Variants in FAS observed in about 807,000 individuals in gnomAD.
FAS encodes the protein tumor necrosis factor receptor superfamily member 6.
FAS carries 5 observed loss-of-function variants against 33.2 expected under a neutral mutation model. The ratio of observed to expected loss-of-function variants is 0.15; its 90% CI spans 0.08 to 0.32. The LOEUF is 0.32. Ranked by LOEUF, FAS falls within the 10% of genes least tolerant of loss-of-function variation. The pLI is 1.00. For synonymous variants in FAS, 131 were observed against 130.7 expected (o/e 1.00, Z -0.01); for missense variants, 339 against 386.0 (o/e 0.88, Z 1.02).
upstream of FAS, among the ~76,000 whole-genome samples, chr10:88,985,659 C>A (rs1846859561): frequency 6.6e-6 from 1 of 152,212 alleles, no homozygotes; most frequent in African/African-American, 2.4e-5. Context: ...CACCCCCATC[C>A]CACTCCCTGG....
rs113329139 is a variant in FAS at position 89,015,370 on chromosome 10, A to G, written c.*920A>G. ...AGAGAAAGTAGCTTTGTGACATGTC[A>G]TGAACCCATGTTTGCAATCAAAGAT... On this transcript the variant is annotated 3_prime_UTR_variant, in exon 9 of 9. Coordinates refer to ENST00000652046, the MANE Select transcript of FAS (RefSeq NM_000043.6). 6 of 531,966 alleles carry G rather than the reference A, an allele frequency of 1.1e-5. No individual in the cohort carries two copies. Among genetic ancestry groups the G allele is most frequent in the Non-Finnish European group, 2.2e-5 (6 of 274,558 alleles). The allele number at this position is 531,966 out of a possible 1,614,324, so 33.0% of individuals were successfully genotyped here. A position where few individuals can be genotyped will look rare whatever the true frequency, so the allele number is the denominator to read the frequency against.
upstream of FAS, among the ~76,000 whole-genome samples, chr10:88,987,659 G>A (rs1846944428): frequency 6.6e-6 from 1 of 152,224 alleles, no homozygotes. Context: ...CCAACTGAAT[G>A]TGATGTGCTG....
At chr10:89,009,543 A>G (rs1382110996) in intron 4 of FAS, among the ~76,000 whole-genome samples, 2 of 152,212 alleles carry the variant, frequency 1.3e-5, no homozygotes, top group Non-Finnish European at 2.9e-5. Context: ...AAGACTGAGA[A>G]GCGTTCAGGG....
chr10:88,969,664 C>T (rs184241125), intron 1 of FAS, among the ~76,000 whole-genome samples: 8 of 152,306 alleles, frequency 5.3e-5, no homozygotes, highest in African/African-American at 1.7e-4. Context: ...CTCCTCTGAC[C>T]ACCATATCAT....
At chr10:88,979,089 T>C (rs1400575394) in intron 2 of FAS, among the ~76,000 whole-genome samples, 3 of 152,106 alleles carry the variant, frequency 2.0e-5, no homozygotes, top group African/African-American at 7.2e-5. Context: ...TTAAAAACAC[T>C]GTCCACTGCC....
intron 1 of FAS, chr10:88,991,226 G>A: frequency 1.9e-6 from 1 of 515,782 alleles, no homozygotes; most frequent in Non-Finnish European, 3.5e-6. Context: ...GGCGTGGGGT[G>A]CGGACAGGAA....
intron 7 of FAS, 92 bp downstream of exon 7, chr10:89,012,173 T>A: frequency 9.1e-7 from 1 of 1,104,356 alleles, no homozygotes; most frequent in Non-Finnish European, 1.4e-6. Flanking sequence ...ACTTTTTTGT[T>A]TCTTGTTTGT....
chr10:88,967,837 G>C (rs536539970), intron 1 of FAS, among the ~76,000 whole-genome samples: 3 of 152,096 alleles, frequency 2.0e-5, no homozygotes, highest in Non-Finnish European at 2.9e-5. Flanking sequence ...ACAGGAAAAT[G>C]GTTGGCAAAG....
upstream of FAS, among the ~76,000 whole-genome samples, chr10:88,981,777 C>T (rs1846719378): frequency 6.6e-6 from 1 of 152,066 alleles, no homozygotes; most frequent in Admixed American, 6.5e-5. Context: ...AGTCTGTGCT[C>T]GTGGGTATGT....
rs9658766 is a variant in FAS, at chr10:89,011,855, G to A, written c.569-144G>A. On this transcript the variant is annotated intron_variant, in intron 6 of 8. Coordinates refer to ENST00000652046, the MANE Select transcript of FAS (RefSeq NM_000043.6). ...GTAGTACGAAAGTTCCAAAATCAGC[G>A]GTCTCCTGCGATGTTTGGCCACTTT... 93,529 of 704,076 alleles carry A rather than the reference G, an allele frequency of 0.13. 7,203 individuals are homozygous for A. The highest frequency in any genetic ancestry group is 0.16 in the Non-Finnish European group (65,481 of 411,152). The allele number at this position is 704,076 out of a possible 1,614,324, so 43.6% of individuals were successfully genotyped here. A position where few individuals can be genotyped will look rare whatever the true frequency, so the allele number is the denominator to read the frequency against.
At chr10:88,983,984 T>TCTTTA (rs2133356741), upstream of FAS, among the ~76,000 whole-genome samples, 1 of 151,064 alleles carries the variant, frequency 6.6e-6, no homozygotes, top group African/African-American at 2.4e-5. Context: ...GACAAAAAAC[T>TCTTTA]CTTTAGATGC....
At position 89,015,994 on chromosome 10, in the gene FAS, C is replaced by A. The variant is rs9658783; in HGVS notation, c.*1544C>A. On this transcript the variant is annotated 3_prime_UTR_variant, in exon 9 of 9. Transcript: ENST00000652046. ...CTCTTCCAAACAGCACATGATTATT[C>A]GTCAAACAGTTTCGTATTCCAGATA... The A allele has an allele frequency of 0.012, 3,033 of 249,234 alleles. 94 individuals are homozygous for A. Among genetic ancestry groups the A allele is most frequent in the African/African-American group, 0.062 (2,820 of 45,326 alleles). The allele number at this position is 249,234 out of a possible 1,614,324, so 15.4% of individuals were successfully genotyped here.
intron 3 of FAS, 28 bp downstream of exon 3, chr10:89,007,865 A>G (rs1223025899): frequency 3.1e-6 from 5 of 1,613,354 alleles, no homozygotes; most frequent in Non-Finnish European, 3.4e-6. Flanking sequence ...CAATTGAAAG[A>G]GGCCAATCTT....
chr10:88,995,387 C>T (rs116947237), intron 1 of FAS, among the ~76,000 whole-genome samples: 99 of 152,306 alleles, frequency 6.5e-4, no homozygotes, highest in East Asian at 5.0e-3. Context: ...TCCCTTTGAT[C>T]ACAACTGCTT....
At chr10:88,992,756 C>T (rs1402713722) in intron 1 of FAS, among the ~76,000 whole-genome samples, 3 of 152,028 alleles carry the variant, frequency 2.0e-5, no homozygotes, top group Non-Finnish European at 4.4e-5. Context: ...GTTTATCTTC[C>T]ATTTCTCCCC....
chr10:88,999,682 T>C (rs567035744), intron 1 of FAS, among the ~76,000 whole-genome samples: 2 of 152,328 alleles, frequency 1.3e-5, no homozygotes, highest in South Asian at 4.1e-4. Flanking sequence ...TCTAGAGGCA[T>C]AAAAATAGAC....
Position 89,013,301 on chromosome 10 carries a change from A to AT in FAS, c.652-37dup, listed in dbSNP as rs756136652. ...CACATTTAGAATATTCTAAAGATAT[A>AT]TTTTTATTTGTCTTTCTCTGCTTCC... On this transcript the variant is annotated intron_variant, in intron 7 of 8. Transcript: ENST00000652046. 1.0e-5 allele frequency: 16 copies of AT among 1,584,716 alleles called. No individual in the cohort carries two copies. The South Asian group carries it at 1.8e-4, about 18-fold the overall frequency.
At chr10:88,998,644 C>G (rs1033094419) in intron 1 of FAS, among the ~76,000 whole-genome samples, 1 of 152,190 alleles carries the variant, frequency 6.6e-6, no homozygotes, top group East Asian at 1.9e-4. Flanking sequence ...TAGCCCATGA[C>G]AGTCCTGAAT....
chr10:88,972,763 T>C (rs1212911101), intron 1 of FAS, among the ~76,000 whole-genome samples: 1 of 152,210 alleles, frequency 6.6e-6, no homozygotes, highest in Non-Finnish European at 1.5e-5. Context: ...CATACAATGG[T>C]ATGATTTTTA....
Sources: allele counts gnomAD v4.1 joint callset (sites outside exome capture counted in the v4.1 genomes callset), GRCh38; gene constraint gnomAD v4.1.1; transcripts MANE v1.5; gene names NCBI Gene and HGNC (gene_info 2026-07-23, HGNC 2026-07-21).